PTPRC: variants seen among roughly 807,000 people sequenced by gnomAD.
The protein encoded by PTPRC is receptor-type tyrosine-protein phosphatase C.
A neutral mutation model predicts 155.9 loss-of-function variants in PTPRC; 44 were observed. The observed-to-expected ratio is 0.28, with a 90% CI of 0.22 to 0.36. The LOEUF is 0.36. Among genes scored for constraint, PTPRC ranks in the 10% least tolerant of loss-of-function variants. The probability of loss-of-function intolerance (pLI) is 1.00; values close to 1 mark genes in which losing one functional copy is unlikely to be tolerated. For synonymous variants in PTPRC, 525 were observed against 533.1 expected, an observed-to-expected ratio of 0.98 and a Z score of 0.21; for missense variants, 1,401 against 1,564.6, an observed-to-expected ratio of 0.90 and a Z score of 1.76.
At chr1:198,728,280 C>A in intron 15 of PTPRC, 60 bp from the exon 16 acceptor site, 1 of 1,351,422 alleles carries the variant, frequency 7.4e-7, no homozygotes, top group Non-Finnish European at 1.1e-6. Context: ...GGTGATTATT[C>A]AACCAGTCTA....
chr1:198,661,960 T>C (rs1043255426), intron 2 of PTPRC, among the ~76,000 whole-genome samples: 1 of 152,182 alleles, frequency 6.6e-6, no homozygotes, highest in Non-Finnish European at 1.5e-5. Flanking sequence ...TAATGTGTGA[T>C]ATTCTGGACT....
At chr1:198,737,196 G>A (rs1571882538) in intron 23 of PTPRC, among the ~76,000 whole-genome samples, 1 of 151,564 alleles carries the variant, frequency 6.6e-6, no homozygotes, top group Non-Finnish European at 1.5e-5. Context: ...CTAACTTGAT[G>A]TAATTCTACT....
At chr1:198,655,515 T>G (rs1663513215) in intron 2 of PTPRC, among the ~76,000 whole-genome samples, 1 of 152,054 alleles carries the variant, frequency 6.6e-6, no homozygotes, top group South Asian at 2.1e-4. Flanking sequence ...AATGTTGGAT[T>G]AGGCATTTTG....
chr1:198,751,770 A>G (rs1450240820), intron 29 of PTPRC, among the ~76,000 whole-genome samples: 2 of 152,062 alleles, frequency 1.3e-5, no homozygotes, highest in South Asian at 2.1e-4. Flanking sequence ...GACAAAATAT[A>G]TAAAGCTGCT....
intron 2 of PTPRC, among the ~76,000 whole-genome samples, chr1:198,665,620 C>A (rs1664246818): frequency 1.3e-5 from 2 of 152,172 alleles, no homozygotes. Context: ...TCATCCTGAT[C>A]TCTTCATGCA....
intron 4 of PTPRC, among the ~76,000 whole-genome samples, chr1:198,698,286 A>C (rs1666302833): frequency 6.6e-6 from 1 of 152,214 alleles, no homozygotes; most frequent in African/African-American, 2.4e-5. Context: ...AATAATTTTA[A>C]AATACTGATT....
chr1:198,746,545 G>C (rs1254313258), intron 26 of PTPRC, among the ~76,000 whole-genome samples: 2 of 151,706 alleles, frequency 1.3e-5, no homozygotes, highest in African/African-American at 4.8e-5. Flanking sequence ...CAGACGATGG[G>C]CATCAGAGGG....
rs531019319 is a variant in PTPRC at position 198,720,023 on chromosome 1, G to A, written c.1659+1721G>A. Among the ~76,000 whole-genome samples, 23 of 152,212 alleles carry A rather than the reference G, an allele frequency of 1.5e-4. No homozygotes were observed. In the South Asian group the frequency reaches 4.1e-3, roughly 27 times the overall value. On this transcript the variant is annotated intron_variant, in intron 14 of 32. Coordinates refer to ENST00000442510, the MANE Select transcript of PTPRC (RefSeq NM_002838.5). The stretch of plus-strand genomic sequence containing the variant: ...CGATTTTTAGGGCATTATGATAGAT[G>A]ATGCCATAGTTGTGATGCCCTGGTG...
intron 2 of PTPRC, among the ~76,000 whole-genome samples, chr1:198,691,324 C>T (rs772720151): frequency 6.6e-6 from 1 of 152,072 alleles, no homozygotes; most frequent in Non-Finnish European, 1.5e-5. Context: ...TTATTACTCT[C>T]AAGTTCAGTG....
At chr1:198,678,506 A>G (rs1665089480) in intron 2 of PTPRC, among the ~76,000 whole-genome samples, 1 of 152,198 alleles carries the variant, frequency 6.6e-6, no homozygotes, top group Non-Finnish European at 1.5e-5. Context: ...GCCGGTCTAG[A>G]TGGCCATGCC....
chr1:198,650,165 A>G (rs1474334714), intron 2 of PTPRC, among the ~76,000 whole-genome samples: 1 of 151,882 alleles, frequency 6.6e-6, no homozygotes, highest in Non-Finnish European at 1.5e-5. Context: ...TGGTGAGGCT[A>G]GAAAGATAAG....
In PTPRC at chr1:198,742,037, C is replaced by CA; in HGVS notation, c.2561+11_2561+12insA. ...TGTGGTGCACTGCAGGTAGGAAAAA[C>CA]GAACAAAAAAAAAAAACAACAACAA... On this transcript the variant is annotated intron_variant, in intron 24 of 32. Transcript: ENST00000442510. 1.2e-6 allele frequency: 2 copies of CA among 1,600,340 alleles called. No individual in the cohort carries two copies. The highest frequency in any genetic ancestry group is 2.3e-5 in the East Asian group (1 of 44,190).
intron 26 of PTPRC, among the ~76,000 whole-genome samples, chr1:198,747,738 T>G (rs1191588015): frequency 6.6e-6 from 1 of 151,894 alleles, no homozygotes; most frequent in Non-Finnish European, 1.5e-5. Flanking sequence ...GAATGTGTTG[T>G]CTCCAAAGTT....
intron 17 of PTPRC, 105 bp from the exon 18 acceptor site, chr1:198,731,512 A>C (rs545597969): frequency 1.2e-6 from 1 of 819,018 alleles, no homozygotes; most frequent in Admixed American, 1.8e-5. Context: ...GTGTACGAGG[A>C]GGAAAGAAGC....
intron 2 of PTPRC, among the ~76,000 whole-genome samples, chr1:198,661,588 T>C (rs1194351410): frequency 6.6e-6 from 1 of 151,922 alleles, no homozygotes; most frequent in African/African-American, 2.4e-5. Context: ...AATAACTTCT[T>C]AGTACTGTTA....
chr1:198,721,823 T>C (rs183923660), intron 14 of PTPRC, among the ~76,000 whole-genome samples: 70 of 151,618 alleles, frequency 4.6e-4, no homozygotes, highest in Admixed American at 1.9e-3. Flanking sequence ...TTAATGATAT[T>C]ATTCAAATAT....
At chr1:198,650,486 C>T (rs372441658) in intron 2 of PTPRC, among the ~76,000 whole-genome samples, 1 of 151,784 alleles carries the variant, frequency 6.6e-6, no homozygotes, top group African/African-American at 2.4e-5. Context: ...ATGGAAAAGA[C>T]AAAGACATTT....
At chr1:198,695,168 T>C in intron 3 of PTPRC, 1 of 884,122 alleles carries the variant, frequency 1.1e-6, no homozygotes, top group Non-Finnish European at 1.4e-6. Flanking sequence ...GGGTTTTTTA[T>C]TTATCATACT....
rs1292293309 is a variant in PTPRC at position 198,708,284 on chromosome 1, A to G, written c.1033+23A>G. 6 of 1,594,712 alleles carry G rather than the reference A, an allele frequency of 3.8e-6. No homozygotes were observed. The African/African-American group carries it at 6.7e-5, about 18-fold the overall frequency. On this transcript the variant is annotated intron_variant, in intron 10 of 32. Transcript: ENST00000442510. ...GTGGTAAGAATATAACATTGACCAG[A>G]GAATTTTTTTTTGTGGCACAATGTT...
Sources: allele counts gnomAD v4.1 joint callset (sites outside exome capture counted in the v4.1 genomes callset), GRCh38; gene constraint gnomAD v4.1.1; transcripts MANE v1.5; gene names NCBI Gene and HGNC (gene_info 2026-07-23, HGNC 2026-07-21).